Variants in DNAH9 observed in about 807,000 individuals in gnomAD.
DNAH9 encodes DNAH9 variant protein.
In DNAH9, 345 loss-of-function variants were observed where a neutral mutation model predicts 471.6. The observed-to-expected ratio is 0.73, with a 90% confidence interval of 0.67 to 0.80. The LOEUF is 0.80. DNAH9 is among the 30% of genes least tolerant of loss of function. The probability of loss-of-function intolerance (pLI) is 0.00; values close to 1 mark genes in which losing one functional copy is unlikely to be tolerated. For missense variants in DNAH9, 5,407 were observed against 5,609.2 expected, an observed-to-expected ratio of 0.96 and a Z score of 1.15; for synonymous variants, 2,093 against 2,123.6, an observed-to-expected ratio of 0.99 and a Z score of 0.40.
chr17:11,862,634 A>G (rs372327171), intron 50 of DNAH9, among the ~76,000 whole-genome samples: 82 of 152,178 alleles, frequency 5.4e-4, no homozygotes, highest in African/African-American at 1.2e-3. Context: ...TCACGATATT[A>G]ATTCTTCCTA....
In DNAH9 at chr17:11,694,445, C is replaced by T; in HGVS notation, c.4870C>T (p.Gln1624Ter). 1 of 1,613,120 alleles carries T rather than the reference C, an allele frequency of 6.2e-7. No individual in the cohort carries two copies. Among genetic ancestry groups the T allele is most frequent in the Non-Finnish European group, 8.5e-7 (1 of 1,179,806 alleles). ...CCTTTCCAACGGCACAGCTCCACAACAGGTAAGCTGGAGGAGCATCTGCAG... is the reference window on the plus strand; with the variant it reads ...CCTTTCCAACGGCACAGCTCCACAATAGGTAAGCTGGAGGAGCATCTGCAG... ...DILSNGTAPQ[Q>*]VQRHLSKLFD... The change falls in exon 22 of 69, where the codon CAG becomes TAG. Residue 1624 changes from glutamine to a stop codon, truncating the protein, a stop_gained and splice_region_variant. Coordinates refer to ENST00000262442, the MANE Select transcript of DNAH9 (RefSeq NM_001372.4). LOFTEE classifies it high-confidence loss of function.
intron 36 of DNAH9, among the ~76,000 whole-genome samples, chr17:11,766,038 A>G (rs1967922864): frequency 6.6e-6 from 1 of 152,142 alleles, no homozygotes; most frequent in Non-Finnish European, 1.5e-5. Flanking sequence ...CGTCCTGCGC[A>G]CTGGAGCACT....
intron 41 of DNAH9, among the ~76,000 whole-genome samples, chr17:11,793,068 C>A (rs1441456236): frequency 3.3e-5 from 5 of 152,092 alleles, no homozygotes; most frequent in Admixed American, 1.3e-4. Flanking sequence ...ATGATGAGCA[C>A]AAAAGAATAA....
chr17:11,783,498 T>G (rs1968743901), intron 39 of DNAH9, 148 bp from the exon 40 acceptor site: 3 of 554,408 alleles, frequency 5.4e-6, no homozygotes, highest in Non-Finnish European at 9.6e-6. Flanking sequence ...TCTTATGCTC[T>G]TATCTCTTCT....
chr17:11,776,041 T>C (rs527469807), intron 38 of DNAH9, among the ~76,000 whole-genome samples: 3 of 152,274 alleles, frequency 2.0e-5, no homozygotes, highest in African/African-American at 7.2e-5. Context: ...TGCTTCCGAC[T>C]TACAGTATGG....
At chr17:11,717,228 A>G (rs1413931943) in intron 26 of DNAH9, among the ~76,000 whole-genome samples, 8 of 152,342 alleles carry the variant, frequency 5.3e-5, no homozygotes, top group Middle Eastern at 3.4e-3. Context: ...AAGGGAACTT[A>G]AAGACTTTCA....
intron 44 of DNAH9, 49 bp downstream of exon 44, chr17:11,807,943 A>G (rs768168016): frequency 6.4e-7 from 1 of 1,554,484 alleles, no homozygotes; most frequent in Non-Finnish European, 8.8e-7. Flanking sequence ...CCCTCCAACC[A>G]GCCACAGTTC....
chr17:11,872,068 AG>A (rs2150986515), intron 52 of DNAH9, among the ~76,000 whole-genome samples: 1 of 152,238 alleles, frequency 6.6e-6, no homozygotes, highest in African/African-American at 2.4e-5. Context: ...CAATCCTTAA[AG>A]CTGTGAAACC....
intron 66 of DNAH9, among the ~76,000 whole-genome samples, chr17:11,939,807 C>CATGGATGGATGG (rs57669174): frequency 0.084 from 12,344 of 147,190 alleles, 544 homozygotes; most frequent in Admixed American, 0.13. Context: ...ATGTTAGATA[C>CATGGATGGATGG]ATGGATGGAT....
chr17:11,829,630 C>T (rs972099366), intron 48 of DNAH9, among the ~76,000 whole-genome samples: 4 of 152,074 alleles, frequency 2.6e-5, no homozygotes, highest in African/African-American at 9.7e-5. Flanking sequence ...TGCCACCGTG[C>T]CCAGCTAATT....
At chr17:11,885,280 A>G (rs9303043) in intron 56 of DNAH9, among the ~76,000 whole-genome samples, 1 of 152,052 alleles carries the variant, frequency 6.6e-6, no homozygotes, top group Non-Finnish European at 1.5e-5. Context: ...ACATTGGGTG[A>G]GAGGGAGGAG....
chr17:11,704,567 C>T, intron 25 of DNAH9, 125 bp downstream of exon 25: 1 of 771,848 alleles, frequency 1.3e-6, no homozygotes, highest in Non-Finnish European at 2.0e-6. Flanking sequence ...GGGAGGATCA[C>T]AGTGGCTGCT....
intron 49 of DNAH9, among the ~76,000 whole-genome samples, chr17:11,841,484 C>A (rs1041647618): frequency 6.6e-6 from 1 of 152,146 alleles, no homozygotes; most frequent in Admixed American, 6.5e-5. Flanking sequence ...GGGGAACAGT[C>A]ACTTATGCGT....
intron 35 of DNAH9, among the ~76,000 whole-genome samples, chr17:11,763,082 A>G (rs1470195406): frequency 2.0e-5 from 3 of 152,018 alleles, no homozygotes; most frequent in Non-Finnish European, 4.4e-5. Flanking sequence ...ACAATTGCAG[A>G]AAGTGTGAAA....
chr17:11,772,591 T>C (rs920602381), intron 38 of DNAH9, among the ~76,000 whole-genome samples: 2 of 152,142 alleles, frequency 1.3e-5, no homozygotes, highest in East Asian at 1.9e-4. Context: ...GCCTCCCCAG[T>C]AGTGACTACA....
At chr17:11,925,292 C>T (rs1029942921) in intron 62 of DNAH9, 1 of 431,942 alleles carries the variant, frequency 2.3e-6, no homozygotes, top group African/African-American at 2.0e-5. Context: ...AAAAGCCAGT[C>T]ACTCCCATTC....
chr17:11,753,836 T>A (rs1334322959), intron 33 of DNAH9, among the ~76,000 whole-genome samples: 9 of 152,224 alleles, frequency 5.9e-5, no homozygotes. Flanking sequence ...ATTTTAGGTT[T>A]GAGGGTACCT....
chr17:11,893,321 C>T (rs1488066271), intron 58 of DNAH9, among the ~76,000 whole-genome samples: 2 of 152,106 alleles, frequency 1.3e-5, no homozygotes, highest in East Asian at 1.9e-4. Flanking sequence ...CTCCATGGAA[C>T]GTCGTCCCTT....
Position 11,962,100 on chromosome 17 carries a change from C to A in DNAH9, c.13077C>A (p.Ile4359=), listed in dbSNP as rs776362852. ...FFNPQSFLTA[I]MQSTARKNEW... is the part of the protein sequence containing the mutation. ...ACCCCCAGTCGTTCCTGACTGCCATCATGCAGTCCACGGCTCGCAAGAATG... is the reference window on the plus strand; with the variant it reads ...ACCCCCAGTCGTTCCTGACTGCCATAATGCAGTCCACGGCTCGCAAGAATG... The change falls in exon 68 of 69, where the codon ATC becomes ATA. Residue 4359 remains isoleucine, a synonymous_variant. Coordinates refer to ENST00000262442, the MANE Select transcript of DNAH9 (RefSeq NM_001372.4). The surrounding 1 kb of genome is among the most constrained non-coding windows in gnomAD (Gnocchi z 4.1). 2 of 1,614,186 alleles carry A rather than the reference C, an allele frequency of 1.2e-6. No homozygotes were observed. Among genetic ancestry groups the A allele is most frequent in the Non-Finnish European group, 1.7e-6 (2 of 1,180,034 alleles).
Sources: gnomAD v4.1 joint callset for allele counts (sites outside exome capture counted in the v4.1 genomes callset) on GRCh38, gnomAD v4.1.1 for gene constraint, Gnocchi (gnomAD v3.1) non-coding constraint, MANE v1.5 for transcripts, NCBI Gene and HGNC (gene_info 2026-07-23, HGNC 2026-07-21) for gene names.